The following DNAJC6 variants were observed in gnomAD, a reference collection of about 807,000 sequenced individuals.
The protein encoded by DNAJC6 is DnaJ heat shock protein family (Hsp40) member C6.
DNAJC6 carries 34 observed loss-of-function variants against 110.0 expected under a neutral mutation model. The ratio of observed to expected loss-of-function variants is 0.31; its 90% CI spans 0.24 to 0.41. The LOEUF (loss-of-function observed/expected upper bound fraction) is 0.41. Among genes scored for constraint, DNAJC6 ranks in the 10% least tolerant of loss-of-function variants. DNAJC6 has a pLI of 1.00. For missense variants in DNAJC6, 1,031 were observed against 1,207.8 expected (o/e 0.85, Z 2.17); for synonymous variants, 406 against 437.2 (o/e 0.93, Z 0.89).
rs1411618006 is a variant in DNAJC6, at chr1:65,414,588, CTT to C, written c.*1566_*1567del. On this transcript the variant is annotated 3_prime_UTR_variant, in exon 19 of 19. Transcript: ENST00000371069. ...AGGTTCTACATAGATCTCTTTCTCT[CTT>C]TTGTTTTGTTTGTTTGTTTGTTAAA... The C allele has an allele frequency of 6.6e-6, 1 of 152,572 alleles. No homozygotes were observed. Among genetic ancestry groups the C allele is most frequent in the African/African-American group, 2.4e-5 (1 of 41,422 alleles). The allele number at this position is 152,572 out of a possible 1,614,324, so 9.5% of individuals were successfully genotyped here. A position where few individuals can be genotyped will look rare whatever the true frequency, so the allele number is the denominator to read the frequency against.
chr1:65,394,758 G>C, intron 12 of DNAJC6, 140 bp from the exon 13 acceptor site: 1 of 905,536 alleles, frequency 1.1e-6, no homozygotes, highest in Non-Finnish European at 1.5e-6. Context: ...CATCCAACAG[G>C]TAAGTCCAGA....
In DNAJC6 at chr1:65,385,880, G is replaced by A. The variant is rs771917592; in HGVS notation, c.969G>A (p.Ser323=). ...DVLIGETKIY[S]TCTDFERMKE... ...TCATTGGAGAAACCAAAATATATTC[G>A]ACTTGCACAGATTTTGAACGAATGA... is the stretch of plus-strand genomic sequence containing the variant. Residue 323 remains serine (S), a synonymous_variant, in exon 7 of 19, where the codon TCG becomes TCA. Coordinates refer to ENST00000371069, the MANE Select transcript of DNAJC6 (RefSeq NM_001256864.2). 3.7e-6 allele frequency: 6 copies of A among 1,608,878 alleles called. No individual in the cohort carries two copies. The highest frequency in any genetic ancestry group is 1.7e-4 in the Middle Eastern group (1 of 6,050).
At position 65,398,857 on chromosome 1, in the gene DNAJC6, G is replaced by A. The variant is rs771096536; in HGVS notation, c.2083G>A (p.Gly695Ser). The A allele has an allele frequency of 4.3e-6, 7 of 1,613,988 alleles. No individual in the cohort carries two copies. The South Asian group carries it at 5.5e-5, about 13-fold the overall frequency. Residue 695 changes from glycine (G) to serine (S), a missense_variant, in exon 14 of 19, where the codon GGT becomes AGT. Gly to Ser is a moderately conservative substitution (Grantham distance 56). Transcript: ENST00000371069. ...AVNIQPDVSG[G>S]WDWHAKPGGF... Reference sequence around the variant, plus strand: ...GAACATTCAGCCAGATGTTTCTGGAGGTTGGGACTGGCATGCTAAACCAGG... The same window carrying A: ...GAACATTCAGCCAGATGTTTCTGGAAGTTGGGACTGGCATGCTAAACCAGG...
At chr1:65,386,636 C>T (rs895330482) in intron 7 of DNAJC6, among the ~76,000 whole-genome samples, 176 bp from the exon 8 acceptor site, 2 of 152,202 alleles carry the variant, frequency 1.3e-5, no homozygotes, top group Non-Finnish European at 2.9e-5. Context: ...CATCCTACTG[C>T]ACAACCAGTT....
At chr1:65,397,921 TGTGTGTGTGC>T (rs904359964) in intron 13 of DNAJC6, among the ~76,000 whole-genome samples, 4 of 151,854 alleles carry the variant, frequency 2.6e-5, no homozygotes, top group African/African-American at 7.3e-5. Flanking sequence ...GGTGATGGGG[TGTGTGTGTGC>T]GTGTGTGTGT....
chr1:65,388,792 C>G (rs918977741), intron 9 of DNAJC6, among the ~76,000 whole-genome samples: 3 of 152,160 alleles, frequency 2.0e-5, no homozygotes, highest in Non-Finnish European at 4.4e-5. Flanking sequence ...AGAAGCCCCG[C>G]TATAGCACTG....
At chr1:65,398,550 G>A (rs1487766339) in intron 13 of DNAJC6, among the ~76,000 whole-genome samples, 1 of 152,248 alleles carries the variant, frequency 6.6e-6, no homozygotes, top group Non-Finnish European at 1.5e-5. Flanking sequence ...TGGATATGGA[G>A]GTAAAACCAA....
chr1:65,363,962 A>G (rs1645621416), intron 1 of DNAJC6, among the ~76,000 whole-genome samples: 1 of 152,144 alleles, frequency 6.6e-6, no homozygotes, highest in African/African-American at 2.4e-5. Context: ...TCATGATAGA[A>G]GTGAACCAGT....
chr1:65,396,637 T>C (rs1447582988), intron 13 of DNAJC6, among the ~76,000 whole-genome samples: 1 of 152,236 alleles, frequency 6.6e-6, no homozygotes, highest in East Asian at 1.9e-4. Flanking sequence ...CTCGTCTCCC[T>C]GCCCTACTCT....
At chr1:65,280,328 T>A (rs1051602463) in intron 1 of DNAJC6, among the ~76,000 whole-genome samples, 5 of 151,950 alleles carry the variant, frequency 3.3e-5, no homozygotes, top group East Asian at 1.9e-4. Flanking sequence ...TTATTCATAT[T>A]TTTTTTTCAC....
At position 65,413,196 on chromosome 1, in the gene DNAJC6, T is replaced by C; in HGVS notation, c.*171T>C. The C allele has an allele frequency of 7.1e-6, 4 of 565,012 alleles. No individual in the cohort carries two copies. Among genetic ancestry groups the C allele is most frequent in the South Asian group, 6.7e-5 (3 of 45,038 alleles). The allele number at this position is 565,012 out of a possible 1,614,324, so 35.0% of individuals were successfully genotyped here. On this transcript the variant is annotated 3_prime_UTR_variant, in exon 19 of 19. Transcript: ENST00000371069. ...TGATAAGGAATGTGGATGTTTGGTT[T>C]CTCCAAAGTTCCCACCATAAAAGAT...
intron 1 of DNAJC6, among the ~76,000 whole-genome samples, chr1:65,290,273 T>G (rs191686832): frequency 2.0e-5 from 3 of 152,212 alleles, no homozygotes; most frequent in African/African-American, 7.2e-5. Context: ...GTCCTTTGAA[T>G]GTATGTATTG....
chr1:65,371,520 A>C (rs1192843983), intron 4 of DNAJC6, among the ~76,000 whole-genome samples: 1 of 152,318 alleles, frequency 6.6e-6, no homozygotes, highest in Admixed American at 6.5e-5. Context: ...GATTGACTGA[A>C]TTATCCCCAT....
chr1:65,358,435 A>G (rs925350990), intron 1 of DNAJC6, among the ~76,000 whole-genome samples: 2 of 152,192 alleles, frequency 1.3e-5, no homozygotes, highest in South Asian at 2.1e-4. Flanking sequence ...TTCCTTGTGT[A>G]TAAGATGAAG....
intron 12 of DNAJC6, among the ~76,000 whole-genome samples, chr1:65,393,481 T>C: frequency 6.6e-6 from 1 of 152,214 alleles, no homozygotes; most frequent in East Asian, 1.9e-4. Flanking sequence ...AAGTGTTTGG[T>C]TATTTGAAAA....
At chr1:65,370,430 T>A (rs1317106635) in intron 4 of DNAJC6, among the ~76,000 whole-genome samples, 3 of 152,246 alleles carry the variant, frequency 2.0e-5, no homozygotes, top group Non-Finnish European at 2.9e-5. Flanking sequence ...TATGCGTGTA[T>A]ACACTGGTTT....
intron 12 of DNAJC6, among the ~76,000 whole-genome samples, chr1:65,393,962 G>A (rs1645953354): frequency 6.6e-6 from 1 of 152,132 alleles, no homozygotes; most frequent in Non-Finnish European, 1.5e-5. Flanking sequence ...AGCTATTGGT[G>A]GACCCAGGAT....
chr1:65,280,621 A>T (rs1435402069), intron 1 of DNAJC6, among the ~76,000 whole-genome samples: 1 of 151,926 alleles, frequency 6.6e-6, no homozygotes, highest in Non-Finnish European at 1.5e-5. Flanking sequence ...ATTTCCATGG[A>T]TAGGAGGGTT....
chr1:65,357,822 T>C (rs1645558409), intron 1 of DNAJC6, among the ~76,000 whole-genome samples: 1 of 152,140 alleles, frequency 6.6e-6, no homozygotes, highest in Non-Finnish European at 1.5e-5. Context: ...AGGAAGGACA[T>C]ATCAAACTTG....
Sources: gnomAD v4.1 joint callset for allele counts (sites outside exome capture counted in the v4.1 genomes callset) on GRCh38, gnomAD v4.1.1 for gene constraint, MANE v1.5 for transcripts, NCBI Gene and HGNC (gene_info 2026-07-23, HGNC 2026-07-21) for gene names.